Variants in ALDH4A1 observed in about 807,000 individuals in gnomAD.
The protein encoded by ALDH4A1 is aldehyde dehydrogenase 4 family member A1, also known as delta-1-pyrroline-5-carboxylate dehydrogenase, mitochondrial.
In ALDH4A1, 46 loss-of-function variants were observed where a neutral mutation model predicts 70.5. That is an observed-to-expected ratio of 0.65 (90% CI 0.51 to 0.83). The LOEUF is 0.83. ALDH4A1 is among the 40% of genes least tolerant of loss of function. The pLI is 0.00. For synonymous variants in ALDH4A1, 323 were observed against 324.3 expected, an observed-to-expected ratio of 1.00 and a Z score of 0.04; for missense variants, 749 against 766.5, an observed-to-expected ratio of 0.98 and a Z score of 0.27.
intron 1 of ALDH4A1, among the ~76,000 whole-genome samples, chr1:18,899,992 T>C (rs1044601096): frequency 3.9e-5 from 6 of 152,204 alleles, no homozygotes; most frequent in Non-Finnish European, 8.8e-5. Context: ...GATGAGCTTG[T>C]TTCTATGAGG....
At chr1:18,892,169 G>A (rs958642115) in intron 1 of ALDH4A1, among the ~76,000 whole-genome samples, 6 of 152,164 alleles carry the variant, frequency 3.9e-5, no homozygotes. Flanking sequence ...GAGTGTCGGG[G>A]GCCAGAAGGA....
rs751507625 is a variant in ALDH4A1, at chr1:18,877,548, C to G, written c.1005G>C (p.Gly335=). The change falls in exon 10 of 15, where the codon GGG becomes GGC. Residue 335 remains glycine (G), a synonymous_variant. Transcript: ENST00000375341. ...CGTACTCGAAGGCTGAGCGGAGGGT[C>G]CCGCTCACCACGCTCTCCACGTCGG... ...RSADVESVVS[G]TLRSAFEYGG... 1 of 1,612,282 alleles carries G rather than the reference C, an allele frequency of 6.2e-7. No individual in the cohort carries two copies. The highest frequency in any genetic ancestry group is 1.1e-5 in the South Asian group (1 of 90,962).
rs1935639279 is a variant in ALDH4A1 at position 18,896,987 on chromosome 1, C to T, written c.62+5475G>A. ...CAGGCAACATTTGTCAAGCACTTGC[C>T]ACCACATGCCAAGCATTAACCTAAG... On this transcript the variant is annotated intron_variant, in intron 1 of 14. Transcript: ENST00000375341. The T allele has an allele frequency of 3.6e-5, 17 of 475,040 alleles. 1 individual carries two copies. Among genetic ancestry groups the T allele is most frequent in the South Asian group, 2.7e-4 (17 of 63,230 alleles). The allele number at this position is 475,040 out of a possible 1,614,324, so 29.4% of individuals were successfully genotyped here. A position where few individuals can be genotyped will look rare whatever the true frequency, so the allele number is the denominator to read the frequency against.
rs527739392 is a variant in ALDH4A1 at position 18,876,420 on chromosome 1, G to A, written c.1233C>T (p.Pro411=). ...TGCCCCCGGCCAGGATGGTGAGGCTGGGTGAGGAGCGTGCGTGCTCCAGCC... is the reference window on the plus strand; with the variant it reads ...TGCCCCCGGCCAGGATGGTGAGGCTAGGTGAGGAGCGTGCGTGCTCCAGCC... ...KKWLEHARSS[P]SLTILAGGKC... is the part of the protein sequence containing the mutation. Residue 411 remains proline (P), a synonymous_variant, in exon 12 of 15, where the codon CCC becomes CCT. Coordinates refer to ENST00000375341, the MANE Select transcript of ALDH4A1 (RefSeq NM_003748.4). 1.9e-6 allele frequency: 3 copies of A among 1,611,636 alleles called. No homozygotes were observed. The East Asian group carries it at 6.7e-5, about 36-fold the overall frequency.
chr1:18,885,440 C>CCCCCCCCCCCCCCCG, intron 5 of ALDH4A1, 33 bp downstream of exon 5: 3 of 665,764 alleles, frequency 4.5e-6, no homozygotes, highest in African/African-American at 1.8e-5. Context: ...CACCCCACCC[C>CCCCCCCCCCCCCCCG]GCCCCACCCA....
In ALDH4A1 at chr1:18,877,375, G is replaced by GC. The variant is rs754246627; in HGVS notation, c.1137+40dup. ...GCCTCCCAGGGACCCAATCCCATCA[G>GC]CCCCCCGCTGGGCCGCGGCGGGGGT... is the stretch of plus-strand genomic sequence containing the variant. On this transcript the variant is annotated intron_variant, in intron 10 of 14. Transcript: ENST00000375341. 2.1e-5 allele frequency: 32 copies of GC among 1,552,010 alleles called. No homozygotes were observed. The Middle Eastern group carries it at 9.0e-4, about 44-fold the overall frequency.
At position 18,885,427 on chromosome 1, in the gene ALDH4A1, T is replaced by TACCCCCCCCCCCCCCCCCCCCCCCCCC; in HGVS notation, c.453+45_453+46insGGGGGGGGGGGGGGGGGGGGGGGGGGT. On this transcript the variant is annotated intron_variant, in intron 5 of 14. Transcript: ENST00000375341. ...CTGCCATGGGTAGGGCACACCTGAC[T>TACCCCCCCCCCCCCCCCCCCCCCCCCC]CCCACCCCACCCCGCCCCACCCACC... 1.0e-4 allele frequency: 67 copies of TACCCCCCCCCCCCCCCCCCCCCCCCCC among 650,900 alleles called. No individual in the cohort carries two copies. In the Middle Eastern group the frequency reaches 1.3e-3, roughly 12 times the overall value. 40.3% of individuals were successfully genotyped at this position (650,900 alleles called of 1,614,324 possible).
chr1:18,897,025 A>T, intron 1 of ALDH4A1: 1 of 530,152 alleles, frequency 1.9e-6, no homozygotes, highest in Non-Finnish European at 3.9e-6. Flanking sequence ...AGACAGGATC[A>T]TCTCACTGAA....
Position 18,872,907 on chromosome 1 carries a change from G to T in ALDH4A1, c.1630C>A (p.Pro544Thr), listed in dbSNP as rs1934506967. ...GPHYILRWTS[P>T]QVIKETHKPL... is the part of the protein sequence containing the mutation. ...TTATGTGTCTCCTTGATGACCTGCG[G>T]CGACGTCCAGCGCAGGATGTAGTGT... Residue 544 changes from proline (P) to threonine (T), a missense_variant, in exon 15 of 15, where the codon CCG (proline) becomes ACG (threonine). Coordinates refer to ENST00000375341, the MANE Select transcript of ALDH4A1 (RefSeq NM_003748.4). 6.2e-7 allele frequency: 1 copy of T among 1,614,004 alleles called. No individual in the cohort carries two copies. Among genetic ancestry groups the T allele is most frequent in the South Asian group, 1.1e-5 (1 of 91,092 alleles).
Position 18,890,062 on chromosome 1 carries a change from G to A in ALDH4A1, c.106C>T (p.Pro36Ser), listed in dbSNP as rs761596924. ...CTGCCCTGCGTGAAGGCTAAGACGG[G>A]CTCGTTGGCCACCTTCAGGGAGGAG... ...HTSSLKVANEPVLAFTQGSPE... is the reference protein window; with the variant it reads ...HTSSLKVANESVLAFTQGSPE... The change falls in exon 2 of 15, where the codon CCC (proline) becomes TCC (serine). Residue 36 changes from proline (P) to serine (S), a missense_variant. Physicochemically the swap from Pro to Ser is moderately conservative, Grantham distance 74. Coordinates refer to ENST00000375341, the MANE Select transcript of ALDH4A1 (RefSeq NM_003748.4). 6.2e-7 allele frequency: 1 copy of A among 1,613,164 alleles called. No homozygotes were observed. The highest frequency in any genetic ancestry group is 8.5e-7 in the Non-Finnish European group (1 of 1,179,804).
At chr1:18,887,493 G>A (rs1010731416) in intron 3 of ALDH4A1, among the ~76,000 whole-genome samples, 1 of 152,230 alleles carries the variant, frequency 6.6e-6, no homozygotes, top group African/African-American at 2.4e-5. Context: ...CAGCTACTGG[G>A]GAGGCTGAGG....
chr1:18,873,051 T>C (rs1934515793), intron 14 of ALDH4A1, 94 bp from the exon 15 acceptor site: 1 of 1,126,532 alleles, frequency 8.9e-7, no homozygotes, highest in South Asian at 1.3e-5. Flanking sequence ...GGACCAGCAG[T>C]GTAGCGGCCA....
At chr1:18,902,345 C>T in intron 1 of ALDH4A1, 117 bp downstream of exon 1, 1 of 876,340 alleles carries the variant, frequency 1.1e-6, no homozygotes, top group Non-Finnish European at 1.6e-6. Flanking sequence ...CGGCGTTGAC[C>T]GAGGCAGCTT....
intron 1 of ALDH4A1, among the ~76,000 whole-genome samples, chr1:18,896,847 C>T (rs964595059): frequency 3.3e-5 from 5 of 151,572 alleles, no homozygotes; most frequent in Admixed American, 2.6e-4. Context: ...GAGCCAAAAT[C>T]GTGCCACTGC....
chr1:18,883,055 G>T (rs1935045723), intron 7 of ALDH4A1, 69 bp downstream of exon 7: 1 of 1,598,500 alleles, frequency 6.3e-7, no homozygotes, highest in Admixed American at 1.7e-5. Context: ...GCTCAGGGTG[G>T]CCTCTGTCTG....
rs145581724 is a variant in ALDH4A1, at chr1:18,897,606, G to A, written c.62+4856C>T. ...GAAGCATTTCAGATGAGGGACACTC[G>A]ACCGTAGAATGATCTGTTTACGGAT... is the stretch of plus-strand genomic sequence containing the variant. On this transcript the variant is annotated intron_variant, in intron 1 of 14. Transcript: ENST00000375341. 3.3e-3 allele frequency among the ~76,000 whole-genome samples: 505 copies of A among 152,262 alleles called. 1 individual carries two copies. Among genetic ancestry groups the A allele is most frequent in the African/African-American group, 0.011 (472 of 41,538 alleles).
intron 1 of ALDH4A1, among the ~76,000 whole-genome samples, chr1:18,892,445 T>C (rs541583158): frequency 6.6e-6 from 1 of 151,678 alleles, no homozygotes; most frequent in African/African-American, 2.4e-5. Flanking sequence ...AGGGGGAGAA[T>C]AGGGCTGCTT....
chr1:18,873,601 G>T (rs1934539531), intron 14 of ALDH4A1, among the ~76,000 whole-genome samples: 3 of 152,186 alleles, frequency 2.0e-5, no homozygotes, highest in Admixed American at 2.0e-4. Flanking sequence ...TAAAAGGACA[G>T]GGTCGGGAGA....
chr1:18,894,174 A>G (rs918874258), intron 1 of ALDH4A1, among the ~76,000 whole-genome samples: 7 of 152,072 alleles, frequency 4.6e-5, no homozygotes, highest in African/African-American at 1.7e-4. Flanking sequence ...CCCAAAAATC[A>G]CAGCCTCGGG....
Sources: allele counts gnomAD v4.1 joint callset (sites outside exome capture counted in the v4.1 genomes callset), GRCh38; gene constraint gnomAD v4.1.1; transcripts MANE v1.5; gene names NCBI Gene and HGNC (gene_info 2026-07-23, HGNC 2026-07-21).